SAXO1: variants seen among roughly 807,000 people sequenced by gnomAD.
The protein encoded by SAXO1 is 4930500O09Rik.
SAXO1 carries 21 observed loss-of-function variants against 17.5 expected under a neutral mutation model. The ratio of observed to expected loss-of-function variants is 1.20; its 90% confidence interval spans 0.85 to 1.72. The LOEUF (loss-of-function observed/expected upper bound fraction) is 1.72. SAXO1 is among the 40% of genes most tolerant of loss of function. The probability of loss-of-function intolerance (pLI) is 0.00; values close to 1 mark genes in which losing one functional copy is unlikely to be tolerated. For missense variants in SAXO1, 843 were observed against 596.0 expected (o/e 1.41, Z -4.32); for synonymous variants, 274 against 216.5 (o/e 1.27, Z -2.33).
intron 3 of SAXO1, among the ~76,000 whole-genome samples, chr9:18,940,981 G>A (rs1831528475): frequency 6.6e-6 from 1 of 152,208 alleles, no homozygotes; most frequent in African/African-American, 2.4e-5. Context: ...AACAGAAATG[G>A]AGTAGTAATG....
chr9:19,022,601 T>A (rs1280872614), intron 1 of SAXO1, among the ~76,000 whole-genome samples: 1 of 152,214 alleles, frequency 6.6e-6, no homozygotes, highest in African/African-American at 2.4e-5. Context: ...AGATAGTGAT[T>A]TTTAAAAATA....
intron 1 of SAXO1, among the ~76,000 whole-genome samples, chr9:18,968,918 G>A (rs570076081): frequency 1.3e-5 from 2 of 152,228 alleles, no homozygotes; most frequent in Admixed American, 6.5e-5. Flanking sequence ...TTTTAGAGAA[G>A]CATAATAAGG....
chr9:18,998,702 G>A (rs1406093139), intron 1 of SAXO1, among the ~76,000 whole-genome samples: 6 of 152,094 alleles, frequency 3.9e-5, no homozygotes, highest in Non-Finnish European at 1.5e-5. Context: ...AAATGTTAAG[G>A]GCACCCAGAG....
At chr9:18,964,081 T>A (rs887010648) in intron 1 of SAXO1, among the ~76,000 whole-genome samples, 4 of 152,232 alleles carry the variant, frequency 2.6e-5, no homozygotes, top group African/African-American at 9.6e-5. Flanking sequence ...GTTTATTGAT[T>A]TGCAAATGTT....
chr9:18,981,941 T>G (rs1433697312), intron 1 of SAXO1, among the ~76,000 whole-genome samples: 1 of 152,234 alleles, frequency 6.6e-6, no homozygotes, highest in Non-Finnish European at 1.5e-5. Flanking sequence ...GCAGCCTGGA[T>G]GAGCCGGACC....
intron 1 of SAXO1, among the ~76,000 whole-genome samples, chr9:19,007,937 T>C (rs1251859875): frequency 6.6e-6 from 1 of 151,950 alleles, no homozygotes; most frequent in Non-Finnish European, 1.5e-5. Context: ...ACACAAGGGA[T>C]ACAGTCTGCA....
intron 1 of SAXO1, among the ~76,000 whole-genome samples, chr9:18,980,781 G>GAAAAAAAAAAAA (rs10640487): frequency 2.4e-5 from 2 of 83,900 alleles, no homozygotes; most frequent in Non-Finnish European, 4.1e-5. Context: ...TTAAAAAACT[G>GAAAAAAAAAAAA]AAAAAAAAAA....
intron 1 of SAXO1, among the ~76,000 whole-genome samples, chr9:18,957,771 T>C (rs1365561360): frequency 6.6e-6 from 1 of 152,152 alleles, no homozygotes; most frequent in East Asian, 1.9e-4. Flanking sequence ...TCTGGAATGG[T>C]GTTTTGTCTT....
chr9:18,989,519 G>C (rs1833722609), intron 1 of SAXO1, among the ~76,000 whole-genome samples: 1 of 151,606 alleles, frequency 6.6e-6, no homozygotes, highest in Non-Finnish European at 1.5e-5. Context: ...TTCATACAGA[G>C]CATGAGCTAA....
intron 1 of SAXO1, among the ~76,000 whole-genome samples, chr9:19,043,267 C>T (rs1836121757): frequency 6.6e-6 from 1 of 152,088 alleles, no homozygotes; most frequent in South Asian, 2.1e-4. Context: ...AACTGGAGAT[C>T]ATTATGTTAA....
chr9:18,994,333 G>A (rs572552264), intron 1 of SAXO1, among the ~76,000 whole-genome samples: 1 of 152,296 alleles, frequency 6.6e-6, no homozygotes, highest in South Asian at 2.1e-4. Context: ...AAGATGGATG[G>A]GTTAAAGTTA....
chr9:18,990,631 A>C (rs950805742), intron 1 of SAXO1, among the ~76,000 whole-genome samples: 3 of 152,212 alleles, frequency 2.0e-5, no homozygotes, highest in African/African-American at 7.2e-5. Flanking sequence ...GTTAGGAACC[A>C]GGCTGCACAG....
At chr9:18,932,452 C>T (rs1831095601) in intron 3 of SAXO1, among the ~76,000 whole-genome samples, 1 of 152,194 alleles carries the variant, frequency 6.6e-6, no homozygotes, top group South Asian at 2.1e-4. Context: ...GTTTTGTAAT[C>T]AGGAAGTGTA....
chr9:18,940,526 A>G (rs1831507981), intron 3 of SAXO1, among the ~76,000 whole-genome samples: 1 of 151,928 alleles, frequency 6.6e-6, no homozygotes, highest in Non-Finnish European at 1.5e-5. Flanking sequence ...CATCCCTCCA[A>G]CCTCCCTACC....
chr9:19,045,840 C>A (rs963541364), intron 1 of SAXO1, among the ~76,000 whole-genome samples: 7 of 152,254 alleles, frequency 4.6e-5, no homozygotes, highest in African/African-American at 1.7e-4. Context: ...TCTATGATTT[C>A]CATAAACTAC....
intron 2 of SAXO1, among the ~76,000 whole-genome samples, chr9:18,942,637 G>A (rs73648814): frequency 0.088 from 13,356 of 152,172 alleles, 833 homozygotes; most frequent in African/African-American, 0.18. Context: ...TTGTTTCAGG[G>A]AGTACCAAAA....
chr9:18,938,699 T>C (rs1009921278), intron 3 of SAXO1, among the ~76,000 whole-genome samples: 2 of 151,866 alleles, frequency 1.3e-5, no homozygotes, highest in Admixed American at 1.3e-4. Context: ...CACTCTTCTG[T>C]AGTTTGAAGA....
At chr9:18,991,176 T>G (rs1040804451) in intron 1 of SAXO1, among the ~76,000 whole-genome samples, 2 of 152,072 alleles carry the variant, frequency 1.3e-5, no homozygotes, top group Non-Finnish European at 2.9e-5. Flanking sequence ...GAGAATCACT[T>G]GAACCTGGGA....
intron 2 of SAXO1, among the ~76,000 whole-genome samples, chr9:18,943,474 T>A (rs1831663503): frequency 6.6e-6 from 1 of 152,132 alleles, no homozygotes; most frequent in Non-Finnish European, 1.5e-5. Context: ...AAACCAATTG[T>A]AGCAGGGAAC....
Sources: allele counts gnomAD v4.1 joint callset (sites outside exome capture counted in the v4.1 genomes callset), GRCh38; gene constraint gnomAD v4.1.1; transcripts MANE v1.5; gene names NCBI Gene and HGNC (gene_info 2026-07-23, HGNC 2026-07-21).